Variants in ANKS1B observed in about 807,000 individuals in gnomAD.
ANKS1B encodes ankyrin repeat and sterile alpha motif domain containing 1B, also known as ankyrin repeat and sterile alpha motif domain-containing protein 1B.
ANKS1B carries 36 observed loss-of-function variants against 148.3 expected under a neutral mutation model. That is an observed-to-expected ratio of 0.24 (90% CI 0.19 to 0.32). The LOEUF (loss-of-function observed/expected upper bound fraction) is 0.32. Ranked by LOEUF, ANKS1B falls within the 10% of genes least tolerant of loss-of-function variation. The probability of loss-of-function intolerance (pLI) is 1.00; values close to 1 mark genes in which losing one functional copy is unlikely to be tolerated. For missense variants in ANKS1B, 1,157 were observed against 1,542.6 expected, an observed-to-expected ratio of 0.75 and a Z score of 4.19; for synonymous variants, 542 against 560.8, an observed-to-expected ratio of 0.97 and a Z score of 0.47.
At chr12:98,850,945 C>A (rs1388702236) in intron 17 of ANKS1B, among the ~76,000 whole-genome samples, 1 of 152,164 alleles carries the variant, frequency 6.6e-6, no homozygotes, top group South Asian at 2.1e-4. Context: ...ACCTAATATG[C>A]AAAACACTAA....
intron 12 of ANKS1B, among the ~76,000 whole-genome samples, chr12:99,324,593 T>C (rs1238415431): frequency 6.6e-6 from 1 of 152,150 alleles, no homozygotes; most frequent in Non-Finnish European, 1.5e-5. Context: ...CTGTCTTTTA[T>C]CTCCTCACAA....
chr12:99,247,711 C>A (rs141832679), intron 12 of ANKS1B, among the ~76,000 whole-genome samples: 3 of 152,002 alleles, frequency 2.0e-5, no homozygotes, highest in African/African-American at 7.2e-5. Context: ...ATGCTTTTTG[C>A]GACTTAATTT....
intron 17 of ANKS1B, among the ~76,000 whole-genome samples, chr12:98,978,750 A>G (rs2099902745): frequency 6.6e-6 from 1 of 152,116 alleles, no homozygotes; most frequent in Admixed American, 6.6e-5. Context: ...GTGATAATAC[A>G]TTTTACTTCT....
At chr12:99,198,105 C>G (rs899376876) in intron 14 of ANKS1B, among the ~76,000 whole-genome samples, 1 of 152,088 alleles carries the variant, frequency 6.6e-6, no homozygotes, top group African/African-American at 2.4e-5. Context: ...CCTTCCTTAG[C>G]ATCACTCCTA....
intron 8 of ANKS1B, among the ~76,000 whole-genome samples, chr12:99,663,117 AG>A: frequency 6.6e-6 from 1 of 152,264 alleles, no homozygotes; most frequent in East Asian, 1.9e-4. Flanking sequence ...CGGGGATCTA[AG>A]GGCTTAATGG....
At chr12:98,980,181 T>C in intron 17 of ANKS1B, among the ~76,000 whole-genome samples, 1 of 152,212 alleles carries the variant, frequency 6.6e-6, no homozygotes. Flanking sequence ...TTCCTTTAAA[T>C]ACTTGCAAAT....
chr12:98,796,248 T>C (rs775765517), intron 22 of ANKS1B, among the ~76,000 whole-genome samples: 17 of 152,218 alleles, frequency 1.1e-4, no homozygotes, highest in Non-Finnish European at 1.9e-4. Context: ...GAGAGACATT[T>C]TCATTTTGGC....
intron 12 of ANKS1B, among the ~76,000 whole-genome samples, chr12:99,363,011 A>T (rs957321998): frequency 6.6e-6 from 1 of 152,070 alleles, no homozygotes; most frequent in Non-Finnish European, 1.5e-5. Flanking sequence ...GATGTTTAAA[A>T]ATTATTGTAA....
intron 11 of ANKS1B, among the ~76,000 whole-genome samples, chr12:99,414,484 A>G (rs1049179790): frequency 4.6e-5 from 7 of 152,210 alleles, no homozygotes; most frequent in South Asian, 4.1e-4. Flanking sequence ...CAGATACACC[A>G]TGGAATACTA....
chr12:99,247,884 C>T (rs1387126947), intron 12 of ANKS1B, among the ~76,000 whole-genome samples: 1 of 152,048 alleles, frequency 6.6e-6, no homozygotes, highest in Admixed American at 6.6e-5. Flanking sequence ...TTGCAAAGAA[C>T]TAAAGTATAG....
chr12:99,793,842 G>T (rs1361333537), intron 4 of ANKS1B, among the ~76,000 whole-genome samples: 1 of 151,926 alleles, frequency 6.6e-6, no homozygotes, highest in Non-Finnish European at 1.5e-5. Flanking sequence ...AAGTTAAAAA[G>T]CTTCTGCACA....
intron 12 of ANKS1B, among the ~76,000 whole-genome samples, chr12:99,269,827 G>C (rs2076846089): frequency 6.6e-6 from 1 of 150,950 alleles, no homozygotes; most frequent in African/African-American, 2.4e-5. Flanking sequence ...CCAAAGTGCT[G>C]GGATTACAGG....
chr12:98,975,792 G>A (rs570410691), intron 17 of ANKS1B, among the ~76,000 whole-genome samples: 18 of 152,242 alleles, frequency 1.2e-4, no homozygotes, highest in African/African-American at 4.3e-4. Context: ...TGCAGTGAGA[G>A]AGAGAGAGAG....
intron 8 of ANKS1B, among the ~76,000 whole-genome samples, chr12:99,660,886 C>A (rs1221732194): frequency 6.6e-6 from 1 of 152,144 alleles, no homozygotes; most frequent in Non-Finnish European, 1.5e-5. Flanking sequence ...CAGGCCAGGT[C>A]TCACTAACAG....
intron 17 of ANKS1B, among the ~76,000 whole-genome samples, chr12:98,914,116 G>A (rs891723710): frequency 2.6e-5 from 4 of 152,148 alleles, no homozygotes; most frequent in Non-Finnish European, 5.9e-5. Flanking sequence ...TTTGGATCAT[G>A]GCGGCGGATC....
rs2064078732 is a variant in ANKS1B at position 99,779,976 on chromosome 12, A to G, written c.746-4T>C. The stretch of plus-strand genomic sequence containing the variant: ...TCCTTTATGTTGGCATCAATTCCTG[A>G]AAGAAAAAGAAAAACTCACTAGATA... On this transcript the variant is annotated splice_region_variant and splice_polypyrimidine_tract_variant and intron_variant, in intron 5 of 26. Transcript: ENST00000683438. 6.3e-7 allele frequency: 1 copy of G among 1,594,830 alleles called. No homozygotes were observed. The highest frequency in any genetic ancestry group is 1.3e-5 in the African/African-American group (1 of 74,236).
At chr12:99,246,072 A>G (rs1486422942) in intron 13 of ANKS1B, among the ~76,000 whole-genome samples, 2 of 152,104 alleles carry the variant, frequency 1.3e-5, no homozygotes, top group Non-Finnish European at 2.9e-5. Flanking sequence ...CAATAGATTA[A>G]CCCACATGTG....
chr12:98,845,973 TATATATAC>T (rs1207314672), intron 17 of ANKS1B, among the ~76,000 whole-genome samples: 25 of 69,586 alleles, frequency 3.6e-4, no homozygotes, highest in South Asian at 2.4e-3. Flanking sequence ...TTCATATATA[TATATATAC>T]ACACACACAC....
chr12:99,674,629 AT>A (rs1446166451), intron 8 of ANKS1B, among the ~76,000 whole-genome samples: 2 of 151,846 alleles, frequency 1.3e-5, no homozygotes, highest in Non-Finnish European at 3.0e-5. Context: ...GGATTACTCA[AT>A]AAACTATGAT....
Sources: allele counts gnomAD v4.1 joint callset (sites outside exome capture counted in the v4.1 genomes callset), GRCh38; gene constraint gnomAD v4.1.1; transcripts MANE v1.5; gene names NCBI Gene and HGNC (gene_info 2026-07-23, HGNC 2026-07-21).